Variants in STX6 observed in about 807,000 individuals in gnomAD.
The protein encoded by STX6 is syntaxin 6.
STX6 carries 23 observed loss-of-function variants against 38.0 expected under a neutral mutation model. The ratio of observed to expected loss-of-function variants is 0.60; its 90% CI spans 0.43 to 0.86. STX6 has a LOEUF of 0.86. STX6 is among the 40% of genes least tolerant of loss of function. The pLI is 0.00. For synonymous variants in STX6, 123 were observed against 107.5 expected, an observed-to-expected ratio of 1.14 and a Z score of -0.89; for missense variants, 274 against 312.9, an observed-to-expected ratio of 0.88 and a Z score of 0.94.
At chr1:181,019,296 A>G (rs546919246) in intron 1 of STX6, among the ~76,000 whole-genome samples, 1 of 151,822 alleles carries the variant, frequency 6.6e-6, no homozygotes, top group East Asian at 1.9e-4. Context: ...CCATCAACAA[A>G]GAGTATGTGT....
intron 1 of STX6, among the ~76,000 whole-genome samples, chr1:181,009,733 T>C (rs559330488): frequency 1.8e-4 from 28 of 152,340 alleles, no homozygotes; most frequent in Non-Finnish European, 3.2e-4. Flanking sequence ...GAGAGTTTGG[T>C]TGTTTCTTGA....
At chr1:181,013,873 T>C (rs986678870) in intron 1 of STX6, among the ~76,000 whole-genome samples, 2 of 152,230 alleles carry the variant, frequency 1.3e-5, no homozygotes, top group Non-Finnish European at 2.9e-5. Context: ...GTGGCTTCAA[T>C]GTAACTGGAC....
At chr1:180,985,651 C>T (rs1655556783) in intron 6 of STX6, among the ~76,000 whole-genome samples, 1 of 152,222 alleles carries the variant, frequency 6.6e-6, no homozygotes, top group Non-Finnish European at 1.5e-5. Context: ...ATTTGCTGTC[C>T]AATGTGCAGC....
intron 7 of STX6, among the ~76,000 whole-genome samples, chr1:180,979,781 T>C (rs1655349418): frequency 1.3e-5 from 2 of 152,214 alleles, no homozygotes; most frequent in South Asian, 4.1e-4. Flanking sequence ...GGTAGAATAT[T>C]TGCAAAAGAT....
Position 180,984,706 on chromosome 1 carries a change from T to G in STX6, c.662A>C (p.Lys221Thr). The G allele has an allele frequency of 2.5e-6, 4 of 1,586,786 alleles. No homozygotes were observed. Among genetic ancestry groups the G allele is most frequent in the Non-Finnish European group, 3.5e-6 (4 of 1,155,450 alleles). The change falls in exon 7 of 8, where the codon AAA becomes ACA. Residue 221 changes from lysine to threonine, a missense_variant. Physicochemically the swap from Lys to Thr is moderately conservative, Grantham distance 78 (BLOSUM62 -1). Transcript: ENST00000258301. The part of the protein sequence containing the change: ...TQSRLDNVMK[K>T]LAKVSHMTSD... ...GGTCATATGAGATACTTTTGCAAGT[T>G]TCTTCATCACATTGTCCAGCCGGGA...
In STX6 at chr1:181,005,304, A is replaced by G. The variant is rs1423458776; in HGVS notation, c.195T>C (p.Asp65=). The part of the protein sequence containing the change: ...RSIEWDLEDL[D]ETISIVEANP... ...CACAGAAAAGGATATTGATGGTTTCATCAAGGTCCTCTAGATCCCACTCTA... is the reference window on the plus strand; with the variant it reads ...CACAGAAAAGGATATTGATGGTTTCGTCAAGGTCCTCTAGATCCCACTCTA... Residue 65 remains aspartate (D), a synonymous_variant, in exon 2 of 8, where the codon GAT becomes GAC. Coordinates refer to ENST00000258301, the MANE Select transcript of STX6 (RefSeq NM_005819.6). 6.2e-7 allele frequency: 1 copy of G among 1,613,738 alleles called. No individual in the cohort carries two copies. The highest frequency in any genetic ancestry group is 1.3e-5 in the African/African-American group (1 of 74,930).
intron 1 of STX6, among the ~76,000 whole-genome samples, chr1:181,015,383 C>G (rs1656526452): frequency 6.6e-6 from 1 of 152,158 alleles, no homozygotes; most frequent in African/African-American, 2.4e-5. Flanking sequence ...TCATTTTAGC[C>G]AATAGTGCCA....
chr1:181,005,260 T>C, intron 2 of STX6, 34 bp downstream of exon 2: 1 of 1,587,080 alleles, frequency 6.3e-7, no homozygotes. Flanking sequence ...TGTCTATTTA[T>C]CCCGAATGGC....
At chr1:181,000,858 CA>C (rs538118020) in intron 3 of STX6, among the ~76,000 whole-genome samples, 97 of 108,956 alleles carry the variant, frequency 8.9e-4, no homozygotes, top group African/African-American at 3.2e-3. Context: ...GAGTATCCTT[CA>C]AAAAACCTAC....
Position 181,022,678 on chromosome 1 carries a change from T to TCCCGGC in STX6, c.-11_-6dup. 6.2e-7 allele frequency: 1 copy of TCCCGGC among 1,608,122 alleles called. No individual in the cohort carries two copies. The highest frequency in any genetic ancestry group is 8.5e-7 in the Non-Finnish European group (1 of 1,177,750). ...GAAGGGGTCCTCCATGGACATGGCG[T>TCCCGGC]CCCGGCCCCGGCCGCCTTCACCTCC... On this transcript the variant is annotated 5_prime_UTR_variant, in exon 1 of 8. Transcript: ENST00000258301.
chr1:180,999,909 C>A (rs10797661), intron 3 of STX6, among the ~76,000 whole-genome samples: 1 of 151,994 alleles, frequency 6.6e-6, no homozygotes, highest in Non-Finnish European at 1.5e-5. Context: ...AGCTCTTCCA[C>A]CCAGAACCCA....
chr1:180,993,260 T>C (rs1655804037), intron 4 of STX6, 103 bp downstream of exon 4: 2 of 729,806 alleles, frequency 2.7e-6, no homozygotes, highest in Admixed American at 2.1e-5. Flanking sequence ...AGCAGAAGTC[T>C]TCCTCTTGAT....
chr1:181,009,289 A>G (rs976656239), intron 1 of STX6, among the ~76,000 whole-genome samples: 6 of 152,112 alleles, frequency 3.9e-5, no homozygotes, highest in Admixed American at 6.6e-5. Flanking sequence ...CAACATGGTA[A>G]AACCCCATCT....
intron 1 of STX6, among the ~76,000 whole-genome samples, chr1:181,009,384 A>C (rs1656328785): frequency 6.6e-6 from 1 of 150,936 alleles, no homozygotes; most frequent in Non-Finnish European, 1.5e-5. Context: ...CAGCAGAATC[A>C]CTTGATCCTG....
chr1:180,995,966 T>C (rs914658604), intron 3 of STX6, among the ~76,000 whole-genome samples: 2 of 152,226 alleles, frequency 1.3e-5, no homozygotes, highest in African/African-American at 4.8e-5. Context: ...GTTCAGTTTA[T>C]AAATTTATTA....
At chr1:181,019,888 C>T (rs932582593) in intron 1 of STX6, among the ~76,000 whole-genome samples, 5 of 152,114 alleles carry the variant, frequency 3.3e-5, no homozygotes, top group Admixed American at 2.0e-4. Flanking sequence ...GTAGGCCGGG[C>T]GCGGTGGCTC....
In STX6 at chr1:180,975,791, CA is replaced by C. The variant is rs1261287317; in HGVS notation, c.*778del. ...CCCTGGTACAGCAACATCAAGTCGG[CA>C]AGGATCAGGAGCTGACCTGTGGCGA... is the stretch of plus-strand genomic sequence containing the variant. On this transcript the variant is annotated 3_prime_UTR_variant, in exon 8 of 8. Coordinates refer to ENST00000258301, the MANE Select transcript of STX6 (RefSeq NM_005819.6). The C allele has an allele frequency of 1.3e-5, 2 of 152,232 alleles. No individual in the cohort carries two copies. The highest frequency in any genetic ancestry group is 4.8e-5 in the African/African-American group (2 of 41,442). 9.4% of individuals were successfully genotyped at this position (152,232 alleles called of 1,614,324 possible).
chr1:181,002,181 G>A (rs372175688), intron 3 of STX6, among the ~76,000 whole-genome samples: 2 of 151,570 alleles, frequency 1.3e-5, no homozygotes, highest in East Asian at 1.9e-4. Flanking sequence ...CTTCAATCAC[G>A]GAAATTTTTT....
chr1:181,021,519 C>G (rs1219472558), intron 1 of STX6, among the ~76,000 whole-genome samples: 4 of 152,214 alleles, frequency 2.6e-5, no homozygotes, highest in Non-Finnish European at 5.9e-5. Context: ...GGCCAGCTTG[C>G]ACCACTACAG....
Sources: allele counts gnomAD v4.1 joint callset (sites outside exome capture counted in the v4.1 genomes callset), GRCh38; gene constraint gnomAD v4.1.1; transcripts MANE v1.5; gene names NCBI Gene and HGNC (gene_info 2026-07-23, HGNC 2026-07-21).